Variants in EXOC4 observed in about 807,000 individuals in gnomAD.
The protein encoded by EXOC4 is exocyst complex component 4.
EXOC4 carries 71 observed loss-of-function variants against 107.2 expected under a neutral mutation model. That is an observed-to-expected ratio of 0.66 (90% CI 0.55 to 0.81). EXOC4 has a LOEUF of 0.81. Among genes scored for constraint, EXOC4 ranks in the 30% least tolerant of loss-of-function variants. EXOC4 has a pLI of 0.00. For synonymous variants in EXOC4, 456 were observed against 441.2 expected, an observed-to-expected ratio of 1.03 and a Z score of -0.42; for missense variants, 1,108 against 1,189.6, an observed-to-expected ratio of 0.93 and a Z score of 1.01.
rs552857846 is a variant in EXOC4, at chr7:133,597,383, C to T, written c.1418-32662C>T. On this transcript the variant is annotated intron_variant, in intron 9 of 17. Coordinates refer to ENST00000253861, the MANE Select transcript of EXOC4 (RefSeq NM_021807.4). ...AGCCTGAACCAACATGGAGAAACCC[C>T]GTCTCTACTAAAAATACAAAATAAG... is the stretch of plus-strand genomic sequence containing the variant. Among the ~76,000 whole-genome samples the T allele has an allele frequency of 1.4e-4, 22 of 151,902 alleles. No individual in the cohort carries two copies. The South Asian group carries it at 1.9e-3, about 13-fold the overall frequency.
At chr7:133,775,755 T>C (rs1397571235) in intron 10 of EXOC4, among the ~76,000 whole-genome samples, 1 of 152,184 alleles carries the variant, frequency 6.6e-6, no homozygotes, top group African/African-American at 2.4e-5. Flanking sequence ...TTGCACATCC[T>C]AAGAGACAGT....
chr7:133,482,011 C>T (rs1458952700), intron 9 of EXOC4, among the ~76,000 whole-genome samples: 1 of 152,180 alleles, frequency 6.6e-6, no homozygotes, highest in Non-Finnish European at 1.5e-5. Context: ...GTATCTTCCA[C>T]ACTCACGGTA....
chr7:133,451,021 A>C (rs1798332762), intron 7 of EXOC4, among the ~76,000 whole-genome samples: 1 of 152,192 alleles, frequency 6.6e-6, no homozygotes, highest in Admixed American at 6.5e-5. Flanking sequence ...TTTGGTTTGG[A>C]GAATACAGAC....
chr7:133,971,921 G>T (rs2971976), intron 14 of EXOC4, among the ~76,000 whole-genome samples: 152,350 of 152,350 alleles, frequency 1, 76,175 homozygotes, highest in Non-Finnish European at 1. Context: ...AGAGCTACAT[G>T]GGGCATCCCT....
intron 7 of EXOC4, among the ~76,000 whole-genome samples, chr7:133,438,121 T>C (rs1479190937): frequency 6.6e-6 from 1 of 152,236 alleles, no homozygotes; most frequent in Admixed American, 6.5e-5. Context: ...TGTCTTTGTC[T>C]GTAGATCTTT....
At chr7:133,450,041 T>C (rs1321907673) in intron 7 of EXOC4, among the ~76,000 whole-genome samples, 1 of 152,210 alleles carries the variant, frequency 6.6e-6, no homozygotes. Context: ...AAAAATCTTA[T>C]CCTGGTATCT....
chr7:133,609,711 G>A (rs1463506294), intron 9 of EXOC4, among the ~76,000 whole-genome samples: 2 of 152,242 alleles, frequency 1.3e-5, no homozygotes, highest in African/African-American at 4.8e-5. Context: ...CATGAGAATA[G>A]TGATAGACAC....
At chr7:133,594,539 G>C (rs1801621685) in intron 9 of EXOC4, among the ~76,000 whole-genome samples, 1 of 117,038 alleles carries the variant, frequency 8.5e-6, no homozygotes, top group African/African-American at 3.3e-5. Flanking sequence ...TCTTTCACCA[G>C]GCTGGAGTGC....
chr7:133,947,660 G>A (rs367815739), intron 14 of EXOC4, among the ~76,000 whole-genome samples: 1 of 152,158 alleles, frequency 6.6e-6, no homozygotes, highest in African/African-American at 2.4e-5. Context: ...ACCCCCCTCC[G>A]TAAGGAGGTG....
intron 7 of EXOC4, among the ~76,000 whole-genome samples, chr7:133,391,276 A>G (rs1205767502): frequency 1.3e-5 from 2 of 152,246 alleles, no homozygotes; most frequent in Non-Finnish European, 2.9e-5. Flanking sequence ...ATTGAACTAC[A>G]GCAAATGACG....
intron 7 of EXOC4, chr7:133,447,366 C>T (rs1270110809): frequency 1.3e-5 from 2 of 152,046 alleles, no homozygotes; most frequent in African/African-American, 4.8e-5. Flanking sequence ...GTAGAGTCTA[C>T]CAGGCAAGTG....
At position 133,258,569 on chromosome 7, in the gene EXOC4, A is replaced by T. The variant is rs371770105; in HGVS notation, c.86+5382A>T. On this transcript the variant is annotated intron_variant, in intron 1 of 17. Coordinates refer to ENST00000253861, the MANE Select transcript of EXOC4 (RefSeq NM_021807.4). ...ATGAGGGTATATAAAAGTGCCTAGC[A>T]CAGTTTGGCACACGGTAGGCACTCA... Among the ~76,000 whole-genome samples the T allele has an allele frequency of 5.9e-5, 9 of 152,320 alleles. No individual in the cohort carries two copies. In the East Asian group the frequency reaches 1.3e-3, roughly 23 times the overall value.
chr7:133,959,511 G>C (rs1800892580), intron 14 of EXOC4, among the ~76,000 whole-genome samples: 1 of 151,396 alleles, frequency 6.6e-6, no homozygotes, highest in African/African-American at 2.4e-5. Flanking sequence ...CTGAATTTTA[G>C]GTCTACAGAG....
At chr7:133,661,675 AAAAAAAAAAAAAAC>A (rs1308901993) in intron 10 of EXOC4, among the ~76,000 whole-genome samples, 2 of 52,230 alleles carry the variant, frequency 3.8e-5, no homozygotes, top group Non-Finnish European at 8.8e-5. Context: ...TTAAAACTAA[AAAAAAAAAAAAAAC>A]AAAAAAAAAA....
intron 9 of EXOC4, among the ~76,000 whole-genome samples, chr7:133,559,307 T>A (rs1800763851): frequency 6.6e-6 from 1 of 152,218 alleles, no homozygotes; most frequent in African/African-American, 2.4e-5. Flanking sequence ...TCTTGGTTTT[T>A]AAATTTTCTT....
intron 17 of EXOC4, among the ~76,000 whole-genome samples, chr7:134,010,691 T>C (rs1210729790): frequency 6.6e-6 from 1 of 152,226 alleles, no homozygotes; most frequent in Non-Finnish European, 1.5e-5. Context: ...CAAATCTCTA[T>C]AGGAATGTTA....
At chr7:133,969,773 C>T (rs890794647) in intron 14 of EXOC4, among the ~76,000 whole-genome samples, 4 of 152,144 alleles carry the variant, frequency 2.6e-5, no homozygotes, top group African/African-American at 4.8e-5. Flanking sequence ...AGGTGTCTGT[C>T]GACCCCTGCT....
intron 17 of EXOC4, among the ~76,000 whole-genome samples, chr7:134,032,539 C>G (rs560789444): frequency 4.6e-5 from 7 of 152,350 alleles, no homozygotes; most frequent in Non-Finnish European, 8.8e-5. Context: ...ATCACCCTCA[C>G]AGCAGTGAAG....
chr7:133,650,224 A>G (rs944992004), intron 10 of EXOC4, among the ~76,000 whole-genome samples: 4 of 152,156 alleles, frequency 2.6e-5, no homozygotes, highest in African/African-American at 7.2e-5. Flanking sequence ...TTATGTGGCA[A>G]CATTACTAGT....
Sources: allele counts gnomAD v4.1 joint callset (sites outside exome capture counted in the v4.1 genomes callset), GRCh38; gene constraint gnomAD v4.1.1; transcripts MANE v1.5; gene names NCBI Gene and HGNC (gene_info 2026-07-23, HGNC 2026-07-21).